Variants in SNX9 observed in about 807,000 individuals in gnomAD.
SNX9 encodes the protein sorting nexin 9.
SNX9 carries 44 observed loss-of-function variants against 89.4 expected under a neutral mutation model. The observed-to-expected ratio is 0.49, with a 90% CI of 0.39 to 0.63. The LOEUF (loss-of-function observed/expected upper bound fraction) is 0.63, where lower values mean the gene tolerates loss of function less well. Among genes scored for constraint, SNX9 ranks in the 30% least tolerant of loss-of-function variants. The pLI is 0.00. For synonymous variants in SNX9, 236 were observed against 247.8 expected, an observed-to-expected ratio of 0.95 and a Z score of 0.45; for missense variants, 578 against 736.1, an observed-to-expected ratio of 0.79 and a Z score of 2.49.
At chr6:157,905,822 G>T (rs756480382) in intron 6 of SNX9, among the ~76,000 whole-genome samples, 1 of 152,164 alleles carries the variant, frequency 6.6e-6, no homozygotes, top group Non-Finnish European at 1.5e-5. Flanking sequence ...CTAGGGGGGC[G>T]TTTTTTCAGG....
At chr6:157,890,322 C>G (rs796669121) in intron 4 of SNX9, among the ~76,000 whole-genome samples, 1 of 152,184 alleles carries the variant, frequency 6.6e-6, no homozygotes, top group Non-Finnish European at 1.5e-5. Flanking sequence ...CAGTCAGGTA[C>G]AAGCCAGTCT....
chr6:157,826,060 A>G (rs958245474), intron 1 of SNX9, among the ~76,000 whole-genome samples: 1 of 152,122 alleles, frequency 6.6e-6, no homozygotes, highest in Non-Finnish European at 1.5e-5. Flanking sequence ...TTCAGATACA[A>G]TTTTCTTGTT....
chr6:157,832,776 C>G (rs918026016), intron 1 of SNX9, among the ~76,000 whole-genome samples: 2 of 152,152 alleles, frequency 1.3e-5, no homozygotes, highest in Admixed American at 1.3e-4. Flanking sequence ...TCAATTACCC[C>G]CACCAGGTGC....
chr6:157,892,335 G>A (rs1301996747), intron 4 of SNX9, among the ~76,000 whole-genome samples: 3 of 152,174 alleles, frequency 2.0e-5, no homozygotes, highest in Admixed American at 2.0e-4. Context: ...GACCTGCCAG[G>A]GCAGTAAAAG....
intron 1 of SNX9, among the ~76,000 whole-genome samples, chr6:157,844,754 C>T (rs34804891): frequency 0.05 from 7,556 of 151,844 alleles, 232 homozygotes; most frequent in Middle Eastern, 0.086. Context: ...CCACCACGCC[C>T]GGCTAATTTT....
At chr6:157,925,825 T>C (rs959159473) in intron 10 of SNX9, among the ~76,000 whole-genome samples, 1 of 152,066 alleles carries the variant, frequency 6.6e-6, no homozygotes, top group African/African-American at 2.4e-5. Context: ...TGTAACAAAA[T>C]ACCTGAGACT....
In SNX9 at chr6:157,851,939, G is replaced by A. The variant is rs183755935; in HGVS notation, c.13-15608G>A. Reference sequence around the variant, plus strand: ...TTTCAATTAGCGTAATGTTTTCAAGGTTCGTCTGTAATGTAGCATGTATCC... The same window carrying A: ...TTTCAATTAGCGTAATGTTTTCAAGATTCGTCTGTAATGTAGCATGTATCC... On this transcript the variant is annotated intron_variant, in intron 1 of 17. Coordinates refer to ENST00000392185, the MANE Select transcript of SNX9 (RefSeq NM_016224.5). 8.5e-5 allele frequency among the ~76,000 whole-genome samples: 13 copies of A among 152,204 alleles called. No homozygotes were observed. The East Asian group carries it at 2.5e-3, about 29-fold the overall frequency.
At chr6:157,859,918 G>A (rs975679807) in intron 1 of SNX9, among the ~76,000 whole-genome samples, 2 of 152,108 alleles carry the variant, frequency 1.3e-5, no homozygotes, top group Non-Finnish European at 2.9e-5. Context: ...TTTGTTCCGG[G>A]TCATGTTATA....
chr6:157,915,623 T>TAAAA (rs1172699831), intron 9 of SNX9, among the ~76,000 whole-genome samples: 1,064 of 71,190 alleles, frequency 0.015, 65 homozygotes, highest in African/African-American at 0.044. Context: ...CCATCTCTAC[T>TAAAA]AAAAAAAAAA....
chr6:157,865,528 G>A (rs948951229), intron 1 of SNX9, among the ~76,000 whole-genome samples: 17 of 152,132 alleles, frequency 1.1e-4, no homozygotes, highest in Non-Finnish European at 2.4e-4. Flanking sequence ...GATGGAGGTG[G>A]GGAGCTGCTG....
intron 1 of SNX9, among the ~76,000 whole-genome samples, chr6:157,854,473 A>G (rs1423425096): frequency 6.6e-6 from 1 of 152,216 alleles, no homozygotes; most frequent in Non-Finnish European, 1.5e-5. Context: ...AAATGTTAAG[A>G]GTATGTAAGC....
intron 1 of SNX9, among the ~76,000 whole-genome samples, chr6:157,832,331 A>G (rs1290692041): frequency 6.6e-6 from 1 of 152,190 alleles, no homozygotes; most frequent in Non-Finnish European, 1.5e-5. Context: ...ATTCATTTGA[A>G]CTTCAGATGT....
At chr6:157,842,935 G>C (rs1041858825) in intron 1 of SNX9, among the ~76,000 whole-genome samples, 2 of 152,180 alleles carry the variant, frequency 1.3e-5, no homozygotes, top group Admixed American at 6.5e-5. Flanking sequence ...GTCTTTTCAG[G>C]AAAGGGCTGT....
At chr6:157,842,032 A>G (rs1781713752) in intron 1 of SNX9, among the ~76,000 whole-genome samples, 1 of 152,082 alleles carries the variant, frequency 6.6e-6, no homozygotes, top group Non-Finnish European at 1.5e-5. Context: ...AATTCCAGAC[A>G]TCGTTTCATG....
At chr6:157,932,159 C>T (rs753230576) in intron 12 of SNX9, 36 bp from the exon 13 acceptor site, 6 of 1,583,246 alleles carry the variant, frequency 3.8e-6, no homozygotes, top group South Asian at 2.2e-5. Context: ...TCAGTTTGCT[C>T]AGAAGACTAA....
At chr6:157,891,459 T>G (rs1428998373) in intron 4 of SNX9, among the ~76,000 whole-genome samples, 1 of 152,182 alleles carries the variant, frequency 6.6e-6, no homozygotes, top group Non-Finnish European at 1.5e-5. Context: ...ATACATAGTC[T>G]TAGTATACAT....
chr6:157,839,754 C>A (rs1781657958), intron 1 of SNX9, among the ~76,000 whole-genome samples: 1 of 152,154 alleles, frequency 6.6e-6, no homozygotes, highest in South Asian at 2.1e-4. Context: ...AGGTGTGACC[C>A]CATCTTGCCC....
At chr6:157,840,365 G>A (rs1476846721) in intron 1 of SNX9, among the ~76,000 whole-genome samples, 1 of 151,386 alleles carries the variant, frequency 6.6e-6, no homozygotes, top group African/African-American at 2.5e-5. Flanking sequence ...ACCATTGGAG[G>A]GTTTTCACCA....
intron 6 of SNX9, among the ~76,000 whole-genome samples, chr6:157,903,637 G>C (rs915702386): frequency 6.6e-6 from 1 of 152,190 alleles, no homozygotes; most frequent in Non-Finnish European, 1.5e-5. Flanking sequence ...AGCAGAGACT[G>C]AGAAAAATGA....
Sources: allele counts gnomAD v4.1 joint callset (sites outside exome capture counted in the v4.1 genomes callset), GRCh38; gene constraint gnomAD v4.1.1; transcripts MANE v1.5; gene names NCBI Gene and HGNC (gene_info 2026-07-23, HGNC 2026-07-21).